Variants in WDR64 observed in about 807,000 individuals in gnomAD.
WDR64 encodes WD repeat domain 64, also known as WD repeat-containing protein 64.
WDR64 carries 112 observed loss-of-function variants against 139.3 expected under a neutral mutation model. The ratio of observed to expected loss-of-function variants is 0.80; its 90% CI spans 0.69 to 0.94. The LOEUF (loss-of-function observed/expected upper bound fraction) is 0.94, where lower values mean the gene tolerates loss of function less well. WDR64 is among the 40% of genes least tolerant of loss of function. WDR64 has a pLI of 0.00. For missense variants in WDR64, 1,206 were observed against 1,293.1 expected (o/e 0.93, Z 1.03); for synonymous variants, 444 against 437.7 (o/e 1.01, Z -0.18).
intron 18 of WDR64, 129 bp downstream of exon 18, chr1:241,770,819 C>G (rs1658400704): frequency 3.0e-6 from 2 of 675,866 alleles, no homozygotes; most frequent in African/African-American, 1.9e-5. Context: ...TGTGTGCATG[C>G]TTATATGTAA....
Position 241,703,929 on chromosome 1 carries a change from C to T in WDR64, c.975-7873C>T, listed in dbSNP as rs1406969144. ...ATCAGATCTCATGAGAACTCACTCACTAACACAAGAACAACACGGGAGAAG... is the reference window on the plus strand; with the variant it reads ...ATCAGATCTCATGAGAACTCACTCATTAACACAAGAACAACACGGGAGAAG... On this transcript the variant is annotated intron_variant, in intron 8 of 27. Coordinates refer to ENST00000437684, the MANE Select transcript of WDR64 (RefSeq NM_001367482.1). The surrounding 1 kb of genome is among the most constrained non-coding windows in gnomAD (Gnocchi z 5.9). 6.6e-6 allele frequency among the ~76,000 whole-genome samples: 1 copy of T among 152,164 alleles called. No individual in the cohort carries two copies. The highest frequency in any genetic ancestry group is 2.4e-5 in the African/African-American group (1 of 41,428).
intron 17 of WDR64, among the ~76,000 whole-genome samples, chr1:241,770,269 G>A (rs755600545): frequency 6.6e-6 from 1 of 152,154 alleles, no homozygotes; most frequent in Non-Finnish European, 1.5e-5. Flanking sequence ...TGTCAAGCAG[G>A]AAGTTAGACA....
intron 10 of WDR64, among the ~76,000 whole-genome samples, chr1:241,735,695 C>A (rs1347739529): frequency 6.6e-6 from 1 of 151,674 alleles, no homozygotes; most frequent in Non-Finnish European, 1.5e-5. Context: ...CCATCATGCT[C>A]GACTAATTTT....
At position 241,652,399 on chromosome 1, in the gene WDR64, A is replaced by C; in HGVS notation, c.-86A>C. On this transcript the variant is annotated 5_prime_UTR_variant, in exon 1 of 28. Coordinates refer to ENST00000437684, the MANE Select transcript of WDR64 (RefSeq NM_001367482.1). ...TAGGGCAAAAACTGAGACAGCAGGG[A>C]GGCACTGTAACAACTGGAAAGTTTT... The C allele has an allele frequency of 1.5e-6, 2 of 1,370,366 alleles. No individual in the cohort carries two copies. The highest frequency in any genetic ancestry group is 2.9e-5 in the African/African-American group (2 of 68,586). The allele number at this position is 1,370,366 out of a possible 1,614,324, so 84.9% of individuals were successfully genotyped here. A position where few individuals can be genotyped will look rare whatever the true frequency, so the allele number is the denominator to read the frequency against.
chr1:241,729,608 T>C (rs561972218), intron 10 of WDR64, among the ~76,000 whole-genome samples: 14 of 152,320 alleles, frequency 9.2e-5, no homozygotes, highest in Middle Eastern at 3.4e-3. Flanking sequence ...CCAGACATCC[T>C]ATATATCCTT....
At chr1:241,788,651 T>A (rs954528847) in intron 24 of WDR64, among the ~76,000 whole-genome samples, 1 of 152,200 alleles carries the variant, frequency 6.6e-6, no homozygotes, top group Non-Finnish European at 1.5e-5. Flanking sequence ...CCAATGTCAT[T>A]ACCTAATTCA....
intron 10 of WDR64, among the ~76,000 whole-genome samples, chr1:241,727,006 C>T (rs1427230369): frequency 6.6e-6 from 1 of 152,070 alleles, no homozygotes; most frequent in Non-Finnish European, 1.5e-5. Flanking sequence ...CCTGCCTCAG[C>T]CTCCCAAGTA....
At chr1:241,801,006 T>C (rs978378387) in intron 27 of WDR64, 126 bp from the exon 28 acceptor site, 1 of 720,818 alleles carries the variant, frequency 1.4e-6, no homozygotes, top group Non-Finnish European at 2.3e-6. Flanking sequence ...GTTAAGTAAA[T>C]AACTATTCAT....
intron 8 of WDR64, among the ~76,000 whole-genome samples, chr1:241,696,485 G>C (rs368902953): frequency 1.3e-5 from 2 of 152,176 alleles, no homozygotes; most frequent in East Asian, 3.9e-4. Flanking sequence ...AGTGACATGG[G>C]CTGCTTGACT....
At chr1:241,770,572 G>C in intron 17 of WDR64, 49 bp from the exon 18 acceptor site, 1 of 1,490,046 alleles carries the variant, frequency 6.7e-7, no homozygotes, top group Non-Finnish European at 9.1e-7. Flanking sequence ...TTTGAGTATG[G>C]TAGCATATCT....
intron 27 of WDR64, among the ~76,000 whole-genome samples, 164 bp from the exon 28 acceptor site, chr1:241,800,968 T>C (rs1574105941): frequency 1.3e-5 from 2 of 152,048 alleles, no homozygotes; most frequent in Admixed American, 6.6e-5. Flanking sequence ...TAATTTAACA[T>C]ACTTTTATCC....
chr1:241,718,911 GC>G (rs1188165690), intron 9 of WDR64, among the ~76,000 whole-genome samples: 1 of 152,070 alleles, frequency 6.6e-6, no homozygotes, highest in Non-Finnish European at 1.5e-5. Flanking sequence ...CATCATGAGG[GC>G]CCGCCTTCAT....
chr1:241,796,696 G>A (rs759425943), intron 27 of WDR64, among the ~76,000 whole-genome samples: 2 of 152,078 alleles, frequency 1.3e-5, no homozygotes, highest in South Asian at 2.1e-4. Context: ...GTTTCGCCTT[G>A]TTGGCCAGGC....
At chr1:241,795,035 T>C (rs1432822288) in intron 25 of WDR64, among the ~76,000 whole-genome samples, 172 bp from the exon 26 acceptor site, 3 of 152,206 alleles carry the variant, frequency 2.0e-5, no homozygotes, top group East Asian at 1.9e-4. Flanking sequence ...AATCTTACAA[T>C]TGAATAGCAC....
intron 9 of WDR64, among the ~76,000 whole-genome samples, chr1:241,713,019 A>G (rs1668233216): frequency 6.7e-6 from 1 of 149,942 alleles, no homozygotes; most frequent in African/African-American, 2.5e-5. Flanking sequence ...TAAGAAAATA[A>G]CACCTGGACA....
At chr1:241,725,970 C>A (rs1001068457) in intron 10 of WDR64, among the ~76,000 whole-genome samples, 1 of 152,146 alleles carries the variant, frequency 6.6e-6, no homozygotes, top group Non-Finnish European at 1.5e-5. Context: ...CCACCTCAGC[C>A]TCCCCAGTAG....
At chr1:241,682,869 T>G (rs1395165669) in intron 6 of WDR64, among the ~76,000 whole-genome samples, 2 of 152,234 alleles carry the variant, frequency 1.3e-5, no homozygotes, top group African/African-American at 4.8e-5. Context: ...AGAAACTGTC[T>G]TGTACATCAT....
At chr1:241,738,539 C>T in intron 11 of WDR64, 50 bp downstream of exon 11, 3 of 1,555,388 alleles carry the variant, frequency 1.9e-6, no homozygotes, top group South Asian at 2.5e-5. Context: ...TGATTTTTAA[C>T]CTTTTTTTAA....
intron 9 of WDR64, among the ~76,000 whole-genome samples, chr1:241,713,711 A>T (rs1668288509): frequency 1.3e-5 from 2 of 152,172 alleles, no homozygotes. Context: ...GGATAAAATG[A>T]AATTTGCGAT....
Sources: allele counts gnomAD v4.1 joint callset (sites outside exome capture counted in the v4.1 genomes callset), GRCh38; gene constraint gnomAD v4.1.1; non-coding constraint Gnocchi (gnomAD v3.1); transcripts MANE v1.5; gene names NCBI Gene and HGNC (gene_info 2026-07-23, HGNC 2026-07-21).